Variants in VWDE observed in about 807,000 individuals in gnomAD.
VWDE encodes von Willebrand factor D and EGF domains.
In VWDE, 207 loss-of-function variants were observed where a neutral mutation model predicts 178.4. That is an observed-to-expected ratio of 1.16 (90% CI 1.04 to 1.30). The LOEUF (loss-of-function observed/expected upper bound fraction) is 1.30. Ranked by LOEUF, VWDE falls within the 50% of genes most tolerant of loss-of-function variation. The pLI, the probability that VWDE is intolerant of heterozygous loss-of-function variation, is 0.00. For synonymous variants in VWDE, 738 were observed against 651.4 expected, an observed-to-expected ratio of 1.13 and a Z score of -2.02; for missense variants, 2,287 against 1,901.3, an observed-to-expected ratio of 1.20 and a Z score of -3.77.
At chr7:12,334,496 A>T (rs2356170) in intron 27 of VWDE, among the ~76,000 whole-genome samples, 101,807 of 152,136 alleles carry the variant, frequency 0.67, 35,565 homozygotes, top group African/African-American at 0.89. Flanking sequence ...GCAGGTTGTG[A>T]AATCCACGAG....
chr7:12,382,497 G>A (rs1477221538), intron 4 of VWDE, among the ~76,000 whole-genome samples: 1 of 151,702 alleles, frequency 6.6e-6, no homozygotes, highest in Non-Finnish European at 1.5e-5. Flanking sequence ...AATAGAGCAT[G>A]AAAATTCAAT....
intron 4 of VWDE, 126 bp from the exon 5 acceptor site, chr7:12,380,859 A>G: frequency 8.7e-7 from 1 of 1,152,222 alleles, no homozygotes; most frequent in Non-Finnish European, 1.2e-6. Flanking sequence ...ATTTAGAAAA[A>G]TGATTATTTC....
chr7:12,386,553 T>C (rs1583342745), intron 3 of VWDE, among the ~76,000 whole-genome samples: 1 of 152,206 alleles, frequency 6.6e-6, no homozygotes, highest in African/African-American at 2.4e-5. Flanking sequence ...TATTTCTGTC[T>C]GGCTTTCACT....
chr7:12,346,977 TG>T (rs1296371064), intron 19 of VWDE, among the ~76,000 whole-genome samples: 1 of 152,118 alleles, frequency 6.6e-6, no homozygotes, highest in African/African-American at 2.4e-5. Context: ...GAAAGATTTT[TG>T]AAAAATGTGA....
Position 12,369,782 on chromosome 7 carries a change from C to T in VWDE, c.2524G>A (p.Val842Ile), listed in dbSNP as rs765209637. The T allele has an allele frequency of 3.2e-6, 5 of 1,551,586 alleles. No homozygotes were observed. Among genetic ancestry groups the T allele is most frequent in the Non-Finnish European group, 4.4e-6 (5 of 1,146,910 alleles). ...CAACTAAGATCATCTTTTAACAGAA[C>T]ATCCTTCACACACATCTCTATAACA... ...DSVIEMCVKDVLLKDDLSWAE... is the reference protein window; with the variant it reads ...DSVIEMCVKDILLKDDLSWAE... The change falls in exon 12 of 29, where the codon GTT becomes ATT. Residue 842 changes from valine (V) to isoleucine (I), a missense_variant. Val to Ile is a conservative substitution (Grantham distance 29). Transcript: ENST00000275358.
intron 16 of VWDE, 23 bp downstream of exon 16, chr7:12,359,555 T>C (rs1318096696): frequency 1.4e-6 from 2 of 1,441,634 alleles, no homozygotes; most frequent in South Asian, 1.2e-5. Context: ...AGGAAATATT[T>C]GGATTAATAA....
intron 19 of VWDE, among the ~76,000 whole-genome samples, chr7:12,349,005 T>G (rs995183162): frequency 2.6e-5 from 4 of 152,002 alleles, no homozygotes; most frequent in South Asian, 2.1e-4. Context: ...ATATTCTCAC[T>G]CATAGGTGGG....
rs1783999758 is a variant in VWDE at position 12,384,419 on chromosome 7, G to C, written c.476-818C>G. Among the ~76,000 whole-genome samples, 3 of 152,180 alleles carry C rather than the reference G, an allele frequency of 2.0e-5. No individual in the cohort carries two copies. The South Asian group carries it at 6.2e-4, about 32-fold the overall frequency. On this transcript the variant is annotated intron_variant, in intron 3 of 28. Coordinates refer to ENST00000275358, the MANE Select transcript of VWDE (RefSeq NM_001135924.3). ...AACTAGTCTGTATGTTCCTATCATA[G>C]TGGATACACGTTATGAGAAATTTGT...
At position 12,331,076 on chromosome 7, in the gene VWDE, AT is replaced by A. The variant is rs3217131; in HGVS notation, c.*106del. 0.35 allele frequency: 289,350 copies of A among 815,778 alleles called. 54,544 individuals are homozygous for A. Among genetic ancestry groups the A allele is most frequent in the Admixed American group, 0.48 (16,713 of 35,130 alleles). The allele number at this position is 815,778 out of a possible 1,614,324, so 50.5% of individuals were successfully genotyped here. A position where few individuals can be genotyped will look rare whatever the true frequency, so the allele number is the denominator to read the frequency against. ...TATTAGTTTCTTCAGTCTTTAAGAT[AT>A]TTTTTGAATGATGTTCAAATAAACT... On this transcript the variant is annotated 3_prime_UTR_variant, in exon 29 of 29. Coordinates refer to ENST00000275358, the MANE Select transcript of VWDE (RefSeq NM_001135924.3).
intron 6 of VWDE, 49 bp downstream of exon 6, chr7:12,379,428 C>T (rs1783712176): frequency 3.6e-6 from 5 of 1,378,868 alleles, no homozygotes; most frequent in Non-Finnish European, 4.0e-6. Context: ...GTTTGGGAAA[C>T]ATAGTTCCAG....
intron 9 of VWDE, 26 bp downstream of exon 9, chr7:12,374,662 TA>T (rs1783409159): frequency 6.8e-7 from 1 of 1,462,910 alleles, no homozygotes; most frequent in Non-Finnish European, 9.3e-7. Flanking sequence ...ACAAAACTAC[TA>T]AAAGAAGAAA....
chr7:12,371,476 T>C (rs975666984), intron 10 of VWDE, among the ~76,000 whole-genome samples: 1 of 152,142 alleles, frequency 6.6e-6, no homozygotes, highest in Non-Finnish European at 1.5e-5. Context: ...CCAGCCACTT[T>C]GATGTACTGT....
intron 16 of VWDE, among the ~76,000 whole-genome samples, chr7:12,357,839 C>T (rs955207734): frequency 6.6e-6 from 1 of 151,912 alleles, no homozygotes; most frequent in African/African-American, 2.4e-5. Context: ...GTGTTGACTG[C>T]CTCACTACTC....
chr7:12,383,699 CAGACTA>C, intron 3 of VWDE, 98 bp from the exon 4 acceptor site: 1 of 985,518 alleles, frequency 1.0e-6, no homozygotes, highest in South Asian at 1.6e-5. Context: ...TGATTTAATA[CAGACTA>C]AGACTTTCTT....
chr7:12,356,440 C>A (rs1248252078), intron 17 of VWDE, 110 bp from the exon 18 acceptor site: 8 of 769,626 alleles, frequency 1.0e-5, no homozygotes, highest in African/African-American at 1.9e-5. Flanking sequence ...ATGACCAAAT[C>A]ACTTATATTT....
At chr7:12,347,325 G>T (rs910846868) in intron 19 of VWDE, among the ~76,000 whole-genome samples, 2 of 152,124 alleles carry the variant, frequency 1.3e-5, no homozygotes, top group African/African-American at 4.8e-5. Context: ...TACCATTAAA[G>T]AAAGTAAGAA....
Position 12,370,772 on chromosome 7 carries a change from G to A in VWDE, c.1680C>T (p.Asn560=), listed in dbSNP as rs1228666366. The change falls in exon 11 of 29, where the codon AAC becomes AAT. Residue 560 remains asparagine (N), a synonymous_variant. Coordinates refer to ENST00000275358, the MANE Select transcript of VWDE (RefSeq NM_001135924.3). Reference sequence around the variant, plus strand: ...CAAAGGTTCCACAAAGTCCCAGAGTGTTTCTGTAATCTACACTAGGGGCTC... The same window carrying A: ...CAAAGGTTCCACAAAGTCCCAGAGTATTTCTGTAATCTACACTAGGGGCTC... ...TIRAPSVDYR[N]TLGLCGTFDE... The A allele has an allele frequency of 6.5e-7, 1 of 1,549,518 alleles. No homozygotes were observed. Among genetic ancestry groups the A allele is most frequent in the East Asian group, 2.4e-5 (1 of 40,848 alleles).
chr7:12,358,814 A>G (rs770335570), intron 16 of VWDE, among the ~76,000 whole-genome samples: 11 of 152,212 alleles, frequency 7.2e-5, no homozygotes, highest in Non-Finnish European at 1.3e-4. Context: ...CATCTCTTGC[A>G]CTACATTTTT....
At chr7:12,341,948 A>G (rs748881082) in intron 23 of VWDE, 111 bp downstream of exon 23, 2 of 738,126 alleles carry the variant, frequency 2.7e-6, no homozygotes, top group Non-Finnish European at 4.5e-6. Context: ...CTTCATACCT[A>G]TCTACCTGTC....
Sources: gnomAD v4.1 joint callset for allele counts (sites outside exome capture counted in the v4.1 genomes callset) on GRCh38, gnomAD v4.1.1 for gene constraint, MANE v1.5 for transcripts, NCBI Gene and HGNC (gene_info 2026-07-23, HGNC 2026-07-21) for gene names.